The following CMC1 variants were observed in gnomAD, a reference collection of about 807,000 sequenced individuals.
CMC1 encodes C-X9-C motif containing 1.
In CMC1, 14 loss-of-function variants were observed where a neutral mutation model predicts 14.1. The ratio of observed to expected loss-of-function variants is 0.99; its 90% CI spans 0.66 to 1.55. The LOEUF (loss-of-function observed/expected upper bound fraction) is 1.55. CMC1 is among the 40% of genes most tolerant of loss of function. The pLI, the probability that CMC1 is intolerant of heterozygous loss-of-function variation, is 0.00. For missense variants in CMC1, 127 were observed against 123.8 expected (o/e 1.03, Z -0.12); for synonymous variants, 50 against 38.4 (o/e 1.30, Z -1.12).
At chr3:28,255,470 TCC>T (rs1699349913) in intron 1 of CMC1, among the ~76,000 whole-genome samples, 1 of 151,996 alleles carries the variant, frequency 6.6e-6, no homozygotes. Context: ...GGTCTTGAAC[TCC>T]TGGCCTCAAG....
At chr3:28,290,234 T>G (rs1009015862) in intron 2 of CMC1, among the ~76,000 whole-genome samples, 5 of 152,102 alleles carry the variant, frequency 3.3e-5, no homozygotes, top group African/African-American at 1.2e-4. Context: ...ACATTTTGTC[T>G]TTAAAAATTT....
chr3:28,297,331 C>T (rs1367557031), intron 2 of CMC1, among the ~76,000 whole-genome samples: 1 of 151,976 alleles, frequency 6.6e-6, no homozygotes, highest in Non-Finnish European at 1.5e-5. Flanking sequence ...GGTAAGGGCC[C>T]ATCTGAATCC....
intron 1 of CMC1, among the ~76,000 whole-genome samples, chr3:28,258,164 ATAGT>A (rs1427238166): frequency 6.7e-6 from 1 of 148,492 alleles, no homozygotes; most frequent in Non-Finnish European, 1.5e-5. Flanking sequence ...TTTATTATTG[ATAGT>A]TAGGGGTTCT....
intron 1 of CMC1, among the ~76,000 whole-genome samples, chr3:28,258,488 CT>C (rs573808505): frequency 0.022 from 2,976 of 137,486 alleles, 67 homozygotes; most frequent in African/African-American, 0.061. Flanking sequence ...AAGGGTTTAG[CT>C]TTTTTTTTTT....
intron 2 of CMC1, among the ~76,000 whole-genome samples, chr3:28,294,867 C>T (rs1184672033): frequency 2.0e-5 from 3 of 152,080 alleles, no homozygotes. Context: ...TTGCCTATTA[C>T]TCAGAACTAG....
Position 28,321,216 on chromosome 3 carries a change from A to C in CMC1, c.*1587A>C, listed in dbSNP as rs993629452. On this transcript the variant is annotated 3_prime_UTR_variant, in exon 4 of 4. Transcript: ENST00000466830. Reference sequence around the variant, plus strand: ...ACAGCATAGGGGCAAACATGCCCATATTTCCACATTGACCTTTGGTATTGG... The same window carrying C: ...ACAGCATAGGGGCAAACATGCCCATCTTTCCACATTGACCTTTGGTATTGG... The C allele has an allele frequency of 1.3e-5, 2 of 151,462 alleles. No homozygotes were observed. The highest frequency in any genetic ancestry group is 3.0e-5 in the Non-Finnish European group (2 of 67,582). 9.4% of individuals were successfully genotyped at this position (151,462 alleles called of 1,614,324 possible). A position where few individuals can be genotyped will look rare whatever the true frequency, so the allele number is the denominator to read the frequency against.
At chr3:28,268,500 G>T (rs1700118299) in intron 2 of CMC1, among the ~76,000 whole-genome samples, 1 of 152,112 alleles carries the variant, frequency 6.6e-6, no homozygotes, top group Non-Finnish European at 1.5e-5. Flanking sequence ...GGAACCCTCT[G>T]CCTAACATGT....
chr3:28,300,126 T>C (rs1005168626), intron 2 of CMC1, among the ~76,000 whole-genome samples: 18 of 152,306 alleles, frequency 1.2e-4, no homozygotes, highest in Admixed American at 3.9e-4. Flanking sequence ...TTTGGACTTA[T>C]TTATTAGCAA....
At chr3:28,246,038 A>G (rs573183240) in intron 1 of CMC1, among the ~76,000 whole-genome samples, 67 of 152,182 alleles carry the variant, frequency 4.4e-4, no homozygotes, top group Admixed American at 2.6e-3. Context: ...CCTGGGCTCA[A>G]GTAATCTGCC....
chr3:28,292,693 G>T (rs1295425095), intron 2 of CMC1: 1 of 152,080 alleles, frequency 6.6e-6, no homozygotes. Context: ...ATACATTATG[G>T]TTTTTAAAAA....
At chr3:28,284,146 CTTAT>C (rs1370594825) in intron 2 of CMC1, among the ~76,000 whole-genome samples, 1 of 152,110 alleles carries the variant, frequency 6.6e-6, no homozygotes, top group East Asian at 1.9e-4. Context: ...CTGTGGTTGA[CTTAT>C]TTATTGTTGA....
intron 2 of CMC1, among the ~76,000 whole-genome samples, chr3:28,294,882 A>G (rs1387478315): frequency 2.0e-5 from 3 of 152,154 alleles, no homozygotes; most frequent in African/African-American, 4.8e-5. Flanking sequence ...AACTAGTTAT[A>G]TTAGAACTCA....
Position 28,251,175 on chromosome 3 carries a change from C to T in CMC1, c.19+9363C>T, listed in dbSNP as rs554991798. 3.9e-5 allele frequency among the ~76,000 whole-genome samples: 6 copies of T among 152,234 alleles called. No individual in the cohort carries two copies. The East Asian group carries it at 1.2e-3, about 29-fold the overall frequency. ...AGCTATACAGGAAGCATGGCATCTG[C>T]TTGGCTTCTGATGAGAACATTTATG... On this transcript the variant is annotated intron_variant, in intron 1 of 3. Transcript: ENST00000466830.
At chr3:28,309,080 C>T (rs1702490632) in intron 2 of CMC1, among the ~76,000 whole-genome samples, 1 of 151,988 alleles carries the variant, frequency 6.6e-6, no homozygotes, top group African/African-American at 2.4e-5. Context: ...GGTTTCCTTG[C>T]TTTCTCTGGT....
chr3:28,257,970 T>C (rs941865332), intron 1 of CMC1, among the ~76,000 whole-genome samples: 5 of 151,538 alleles, frequency 3.3e-5, no homozygotes, highest in Non-Finnish European at 7.4e-5. Flanking sequence ...GTTGGTGTTG[T>C]CATTATTTTT....
Position 28,324,647 on chromosome 3 carries a change from C to G in CMC1, c.*5018C>G. 1 of 440,602 alleles carries G rather than the reference C, an allele frequency of 2.3e-6. No individual in the cohort carries two copies. The highest frequency in any genetic ancestry group is 9.5e-5 in the South Asian group (1 of 10,540). 27.3% of individuals were successfully genotyped at this position (440,602 alleles called of 1,614,324 possible). ...GTTTTAATCCTGGATCAGCAATTTA[C>G]TGTGACTTTAGATATTTGTCTCTTA... is the stretch of plus-strand genomic sequence containing the variant. On this transcript the variant is annotated 3_prime_UTR_variant, in exon 4 of 4. Coordinates refer to ENST00000466830, the MANE Select transcript of CMC1 (RefSeq NM_182523.2).
chr3:28,280,235 T>TG (rs1700816778), intron 2 of CMC1, among the ~76,000 whole-genome samples: 1 of 152,166 alleles, frequency 6.6e-6, no homozygotes, highest in Non-Finnish European at 1.5e-5. Flanking sequence ...GAACAACAGT[T>TG]GCACTACGTG....
chr3:28,301,449 G>T (rs913573723), intron 2 of CMC1, among the ~76,000 whole-genome samples: 8 of 152,258 alleles, frequency 5.3e-5, no homozygotes, highest in African/African-American at 1.9e-4. Flanking sequence ...TTGAATTCCT[G>T]GATTCAAGCG....
intron 2 of CMC1, among the ~76,000 whole-genome samples, chr3:28,284,230 A>C (rs778469987): frequency 1.3e-5 from 2 of 152,138 alleles, no homozygotes; most frequent in Non-Finnish European, 2.9e-5. Context: ...TAGGTCTACT[A>C]TTTACTGCTT....
Sources: allele counts gnomAD v4.1 joint callset (sites outside exome capture counted in the v4.1 genomes callset), GRCh38; gene constraint gnomAD v4.1.1; transcripts MANE v1.5; gene names NCBI Gene and HGNC (gene_info 2026-07-23, HGNC 2026-07-21).